The following FMN1 variants were observed in gnomAD, a reference collection of about 807,000 sequenced individuals.
FMN1 encodes the protein formin 1, also known as formin-1.
In FMN1, 110 loss-of-function variants were observed where a neutral mutation model predicts 132.4. The observed-to-expected ratio is 0.83, with a 90% CI of 0.71 to 0.97. The LOEUF is 0.97. Among genes scored for constraint, FMN1 ranks in the 50% least tolerant of loss-of-function variants. FMN1 has a pLI of 0.00. For missense variants in FMN1, 1,792 were observed against 1,705.3 expected (o/e 1.05, Z -0.90); for synonymous variants, 722 against 651.7 (o/e 1.11, Z -1.64).
intron 19 of FMN1, 67 bp downstream of exon 19, chr15:32,798,737 G>A (rs2057376050): frequency 5.9e-6 from 8 of 1,346,128 alleles, no homozygotes; most frequent in Non-Finnish European, 8.1e-6. Context: ...GACACACTTT[G>A]ATAGGTTTAA....
chr15:32,833,464 A>G (rs2058550407), intron 17 of FMN1, among the ~76,000 whole-genome samples: 1 of 152,168 alleles, frequency 6.6e-6, no homozygotes, highest in Non-Finnish European at 1.5e-5. Context: ...AGAGGAAGTG[A>G]GCCTTCTGAC....
rs1265800486 is a variant in FMN1 at position 32,800,499 on chromosome 15, C to CT, written c.3981-1547dup. ...CAAATGTACACTCTATAGCATGTAA[C>CT]TTTATTTCACTCAAATGAAAATTAT... On this transcript the variant is annotated intron_variant, in intron 18 of 20. Transcript: ENST00000616417. Among the ~76,000 whole-genome samples the CT allele has an allele frequency of 3.3e-5, 5 of 152,184 alleles. No individual in the cohort carries two copies. In the East Asian group the frequency reaches 9.6e-4, roughly 29 times the overall value.
At chr15:32,931,457 C>G (rs1213768240) in intron 9 of FMN1, among the ~76,000 whole-genome samples, 1 of 152,052 alleles carries the variant, frequency 6.6e-6, no homozygotes, top group Non-Finnish European at 1.5e-5. Context: ...TTGGATGTTA[C>G]TTTAAATGAA....
chr15:32,970,580 A>G (rs954169602), intron 7 of FMN1: 8 of 152,238 alleles, frequency 5.3e-5, no homozygotes, highest in African/African-American at 1.9e-4. Flanking sequence ...TCTCTTCACT[A>G]TAATTTCAGC....
chr15:33,065,074 G>C lies in FMN1; in HGVS notation c.2044C>G (p.Pro682Ala). 1 of 1,599,422 alleles carries C rather than the reference G, an allele frequency of 6.3e-7. No homozygotes were observed. Among genetic ancestry groups the C allele is most frequent in the South Asian group, 1.1e-5 (1 of 88,482 alleles). Residue 682 changes from proline (P) to alanine (A), a missense_variant and splice_region_variant, in exon 6 of 21, where the codon CCT (proline) becomes GCT (alanine). Pro to Ala is a conservative substitution (Grantham distance 27, BLOSUM62 -1). Coordinates refer to ENST00000616417, the MANE Select transcript of FMN1 (RefSeq NM_001277313.2). The stretch of plus-strand genomic sequence containing the variant: ...TCCTGCTCAGTCAGGCTGTGGTCAG[G>C]CTGTTGAAAGAGCAGGCAAATAGTA... ...NRSELYLDLH[P>A]DHSLTEQDDR... is the part of the protein sequence containing the mutation.
chr15:32,902,671 A>C (rs1478600700), intron 12 of FMN1, among the ~76,000 whole-genome samples: 1 of 152,234 alleles, frequency 6.6e-6, no homozygotes, highest in East Asian at 1.9e-4. Flanking sequence ...GACAACCTAA[A>C]GTTTCCTTAA....
At chr15:32,920,251 C>T (rs959384160) in intron 10 of FMN1, among the ~76,000 whole-genome samples, 1 of 152,178 alleles carries the variant, frequency 6.6e-6, no homozygotes, top group African/African-American at 2.4e-5. Flanking sequence ...TAGGCAGTCA[C>T]TGTGACCAAG....
At chr15:32,809,383 G>A (rs2057793528) in intron 17 of FMN1, among the ~76,000 whole-genome samples, 1 of 152,144 alleles carries the variant, frequency 6.6e-6, no homozygotes, top group South Asian at 2.1e-4. Flanking sequence ...AGAAGGCAAA[G>A]TGAACTATGC....
In FMN1 at chr15:33,067,489, G is replaced by A. The variant is rs766272412; in HGVS notation, c.2044-2415C>T. The A allele has an allele frequency of 2.2e-5, 36 of 1,613,840 alleles. No individual in the cohort carries two copies. In the South Asian group the frequency reaches 2.4e-4, roughly 11 times the overall value. On this transcript the variant is annotated intron_variant, in intron 5 of 20. Transcript: ENST00000616417. Reference sequence around the variant, plus strand: ...GGGTCCCACGAACACAAATGACATCGTCTTTTGTCCCTTTCAAAGTAGACA... The same window carrying A: ...GGGTCCCACGAACACAAATGACATCATCTTTTGTCCCTTTCAAAGTAGACA...
At chr15:32,989,046 G>A (rs2033266587) in intron 7 of FMN1, among the ~76,000 whole-genome samples, 1 of 152,108 alleles carries the variant, frequency 6.6e-6, no homozygotes, top group Non-Finnish European at 1.5e-5. Flanking sequence ...AAACCTTCTG[G>A]AAACACAGTT....
rs867788342 is a variant in FMN1, at chr15:32,910,536, C to T, written c.3227-1G>A. 2.6e-6 allele frequency: 4 copies of T among 1,566,030 alleles called. No individual in the cohort carries two copies. Among genetic ancestry groups the T allele is most frequent in the African/African-American group, 2.7e-5 (2 of 73,754 alleles). On this transcript the variant is annotated splice_acceptor_variant, in intron 10 of 20. Transcript: ENST00000616417. LOFTEE classifies it high-confidence loss of function. ...ACGGAGTCATCCACATTGAAAATGG[C>T]TGCCAAGCACCCAAAAAGAAAAGAG...
rs186113200 is a variant in FMN1 at position 32,921,270 on chromosome 15, G to A, written c.3226+4904C>T. On this transcript the variant is annotated intron_variant, in intron 10 of 20. Coordinates refer to ENST00000616417, the MANE Select transcript of FMN1 (RefSeq NM_001277313.2). ...GAAAAGCGTTTCAAACAGAGGGAGCGTGCAGAACTGTTCATTCAAAATGTG... is the reference window on the plus strand; with the variant it reads ...GAAAAGCGTTTCAAACAGAGGGAGCATGCAGAACTGTTCATTCAAAATGTG... Among the ~76,000 whole-genome samples the A allele has an allele frequency of 2.4e-4, 37 of 152,272 alleles. No individual in the cohort carries two copies. The East Asian group carries it at 6.0e-3, about 25-fold the overall frequency.
At chr15:33,055,154 C>G (rs1252762139) in intron 6 of FMN1, among the ~76,000 whole-genome samples, 1 of 152,136 alleles carries the variant, frequency 6.6e-6, no homozygotes, top group African/African-American at 2.4e-5. Context: ...CTCTCTGAAG[C>G]CTGCTATCTG....
rs35298684 is a variant in FMN1 at position 32,963,994 on chromosome 15, A to ATG, written c.3138+111_3138+112dup. 1,712 of 473,698 alleles carry ATG rather than the reference A, an allele frequency of 3.6e-3. 2 individuals are homozygous for ATG. Among genetic ancestry groups the ATG allele is most frequent in the Non-Finnish European group, 4.4e-3 (1,214 of 275,526 alleles). The allele number at this position is 473,698 out of a possible 1,614,324, so 29.3% of individuals were successfully genotyped here. On this transcript the variant is annotated intron_variant, in intron 9 of 20. Transcript: ENST00000616417. ...GATACACACACATATATGTATAGGT[A>ATG]TGTGTGTGTGTGTATATACGATACA...
intron 4 of FMN1, among the ~76,000 whole-genome samples, chr15:33,109,049 T>TGGGAGAAGAAATAG (rs879896054): frequency 2.2e-3 from 338 of 152,138 alleles, no homozygotes; most frequent in Non-Finnish European, 3.9e-3. Context: ...CTAGCAAACT[T>TGGGAGAAGAAATAG]GTCATAACTT....
At position 33,152,275 on chromosome 15, in the gene FMN1, G is replaced by A. The variant is rs141867459; in HGVS notation, c.1867+773C>T. On this transcript the variant is annotated intron_variant, in intron 4 of 20. Coordinates refer to ENST00000616417, the MANE Select transcript of FMN1 (RefSeq NM_001277313.2). ...ATTGAATCCACAAAATTATTTTCAT[G>A]TAACATTTTAAATCACATTAAGTAT... Among the ~76,000 whole-genome samples the A allele has an allele frequency of 4.6e-5, 7 of 152,114 alleles. No homozygotes were observed. In the East Asian group the frequency reaches 1.2e-3, roughly 25 times the overall value.
In FMN1 at chr15:33,135,366, T is replaced by G. The variant is rs1963719392; in HGVS notation, c.1867+17682A>C. On this transcript the variant is annotated intron_variant, in intron 4 of 20. Coordinates refer to ENST00000616417, the MANE Select transcript of FMN1 (RefSeq NM_001277313.2). ...CTTAGAAATAAAGAGAATATTGATT[T>G]TGCAATGTTGGTACAAACTGGACAA... Among the ~76,000 whole-genome samples, 2 of 152,198 alleles carry G rather than the reference T, an allele frequency of 1.3e-5. 1 individual carries two copies. The highest frequency in any genetic ancestry group is 4.1e-4 in the South Asian group (2 of 4,834).
At chr15:32,912,452 G>T (rs1261809867) in intron 10 of FMN1, among the ~76,000 whole-genome samples, 1 of 152,190 alleles carries the variant, frequency 6.6e-6, no homozygotes, top group Non-Finnish European at 1.5e-5. Flanking sequence ...GGATTTTTAA[G>T]TTAGAAGTGC....
At chr15:32,915,324 T>C (rs934886657) in intron 10 of FMN1, among the ~76,000 whole-genome samples, 7 of 152,256 alleles carry the variant, frequency 4.6e-5, no homozygotes, top group Non-Finnish European at 1.0e-4. Flanking sequence ...AGAGAATCAA[T>C]GAATGCTCTC....
Sources: gnomAD v4.1 joint callset for allele counts (sites outside exome capture counted in the v4.1 genomes callset) on GRCh38, gnomAD v4.1.1 for gene constraint, MANE v1.5 for transcripts, NCBI Gene and HGNC (gene_info 2026-07-23, HGNC 2026-07-21) for gene names.